DTWD2: variants seen among roughly 807,000 people sequenced by gnomAD.
The protein encoded by DTWD2 is DTW motif tRNA-uridine aminocarboxypropyltransferase 2.
Under a neutral mutation model 31.8 loss-of-function variants are expected in DTWD2, and 39 were observed. The ratio of observed to expected loss-of-function variants is 1.22; its 90% CI spans 0.95 to 1.60. DTWD2 has a LOEUF of 1.60. DTWD2 is among the 40% of genes most tolerant of loss of function. The pLI, the probability that DTWD2 is intolerant of heterozygous loss-of-function variation, is 0.00. For missense variants in DTWD2, 515 were observed against 381.5 expected (o/e 1.35, Z -2.92); for synonymous variants, 180 against 142.8 (o/e 1.26, Z -1.86).
intron 1 of DTWD2, among the ~76,000 whole-genome samples, chr5:118,974,316 G>A (rs1373371472): frequency 6.6e-6 from 1 of 151,752 alleles, no homozygotes; most frequent in Non-Finnish European, 1.5e-5. Flanking sequence ...TTGCAACAGG[G>A]GAGGAAAAAA....
intron 4 of DTWD2, among the ~76,000 whole-genome samples, chr5:118,867,796 C>T (rs550497582): frequency 7.2e-5 from 11 of 152,218 alleles, no homozygotes; most frequent in Admixed American, 2.6e-4. Flanking sequence ...GAAAAATACC[C>T]CATGTTCATG....
At chr5:118,883,929 T>C (rs907930873) in intron 4 of DTWD2, among the ~76,000 whole-genome samples, 3 of 152,164 alleles carry the variant, frequency 2.0e-5, no homozygotes, top group Admixed American at 1.3e-4. Context: ...ACTTCACAAA[T>C]ATTTATAGTT....
At chr5:118,918,536 A>T (rs1173979403) in intron 4 of DTWD2, among the ~76,000 whole-genome samples, 1 of 152,132 alleles carries the variant, frequency 6.6e-6, no homozygotes, top group Admixed American at 6.6e-5. Flanking sequence ...GAATTATAGA[A>T]ACAGAATCAA....
At chr5:118,974,199 A>C in intron 1 of DTWD2, 2 of 1,359,676 alleles carry the variant, frequency 1.5e-6, no homozygotes, top group Non-Finnish European at 2.0e-6. Flanking sequence ...CCCGTCTCAG[A>C]ATCTAAACGT....
chr5:118,900,723 G>A (rs779704166), intron 4 of DTWD2, among the ~76,000 whole-genome samples: 1 of 151,858 alleles, frequency 6.6e-6, no homozygotes, highest in Admixed American at 6.6e-5. Context: ...TCAGGAGATC[G>A]AGACCATCCT....
intron 4 of DTWD2, among the ~76,000 whole-genome samples, chr5:118,900,126 C>A (rs914806469): frequency 6.6e-6 from 1 of 151,978 alleles, no homozygotes; most frequent in Admixed American, 6.6e-5. Flanking sequence ...TTCTTTATGT[C>A]TGGCTTCTTT....
At position 118,839,931 on chromosome 5, in the gene DTWD2, A is replaced by C. The variant is rs1429164047; in HGVS notation, c.*986T>G. Reference sequence around the variant, plus strand: ...TTCCTTACAACTTAACACTAGATACAGGAAACTCTAGAACTCATAAACAAA... The same window carrying C: ...TTCCTTACAACTTAACACTAGATACCGGAAACTCTAGAACTCATAAACAAA... On this transcript the variant is annotated 3_prime_UTR_variant, in exon 6 of 6. Transcript: ENST00000510708. 6.6e-6 allele frequency: 1 copy of C among 152,210 alleles called. No homozygotes were observed. Among genetic ancestry groups the C allele is most frequent in the East Asian group, 1.9e-4 (1 of 5,196 alleles). 9.4% of individuals were successfully genotyped at this position (152,210 alleles called of 1,614,324 possible). A position where few individuals can be genotyped will look rare whatever the true frequency, so the allele number is the denominator to read the frequency against.
At chr5:118,881,964 G>C (rs184236836) in intron 4 of DTWD2, among the ~76,000 whole-genome samples, 4 of 152,176 alleles carry the variant, frequency 2.6e-5, no homozygotes, top group African/African-American at 9.6e-5. Flanking sequence ...AGCCAATCTC[G>C]CCTTCATAAC....
intron 2 of DTWD2, among the ~76,000 whole-genome samples, chr5:118,939,840 C>T (rs1754141569): frequency 6.6e-6 from 1 of 152,080 alleles, no homozygotes; most frequent in African/African-American, 2.4e-5. Flanking sequence ...TAAAATTGAA[C>T]AATCTGAGCA....
At chr5:118,926,839 G>A (rs558331111) in intron 4 of DTWD2, among the ~76,000 whole-genome samples, 2 of 152,238 alleles carry the variant, frequency 1.3e-5, no homozygotes, top group South Asian at 2.1e-4. Flanking sequence ...CAAGTAGCTG[G>A]AGTTATAGGT....
chr5:118,974,090 G>T, intron 1 of DTWD2: 2 of 1,599,674 alleles, frequency 1.3e-6, no homozygotes, highest in Non-Finnish European at 1.7e-6. Context: ...TGACGATGTC[G>T]ATACCAAGAA....
rs1174554134 is a variant in DTWD2, at chr5:118,840,763, A to G, written c.*154T>C. 1.4e-6 allele frequency: 1 copy of G among 713,442 alleles called. No individual in the cohort carries two copies. The highest frequency in any genetic ancestry group is 3.4e-5 in the East Asian group (1 of 29,478). 44.2% of individuals were successfully genotyped at this position (713,442 alleles called of 1,614,324 possible). ...AGTGAATTTCTGTTTATTTGTATTT[A>G]TGAATATTTGGTTTACTTCCTTCTT... On this transcript the variant is annotated 3_prime_UTR_variant, in exon 6 of 6. Transcript: ENST00000510708.
intron 4 of DTWD2, among the ~76,000 whole-genome samples, chr5:118,870,014 T>G (rs1385979220): frequency 2.0e-5 from 3 of 152,178 alleles, no homozygotes; most frequent in Non-Finnish European, 4.4e-5. Flanking sequence ...CTCTCCCTCT[T>G]GCTCCCTCTC....
intron 3 of DTWD2, among the ~76,000 whole-genome samples, chr5:118,932,347 G>A (rs1039978570): frequency 6.0e-5 from 9 of 149,336 alleles, no homozygotes; most frequent in Non-Finnish European, 1.3e-4. Context: ...AAAAGCTAGA[G>A]AAAGACGAGC....
chr5:118,843,421 G>A (rs1359617430), intron 5 of DTWD2, among the ~76,000 whole-genome samples: 3 of 142,584 alleles, frequency 2.1e-5, no homozygotes, highest in Non-Finnish European at 3.0e-5. Flanking sequence ...TCTTGGAAAG[G>A]CTCTGCACAA....
At chr5:118,934,784 T>C (rs73239073) in intron 3 of DTWD2, among the ~76,000 whole-genome samples, 6,107 of 152,240 alleles carry the variant, frequency 0.04, 410 homozygotes, top group African/African-American at 0.14. Context: ...CAACAGAGAT[T>C]GTTAGATTAA....
chr5:118,911,367 G>T (rs944297479), intron 4 of DTWD2, among the ~76,000 whole-genome samples: 1 of 152,228 alleles, frequency 6.6e-6, no homozygotes, highest in Non-Finnish European at 1.5e-5. Flanking sequence ...CAAGTGTTGG[G>T]AAGGATGTGG....
At chr5:118,870,630 G>T (rs139512068) in intron 4 of DTWD2, among the ~76,000 whole-genome samples, 1 of 152,176 alleles carries the variant, frequency 6.6e-6, no homozygotes, top group Non-Finnish European at 1.5e-5. Flanking sequence ...AGCCTTCAGT[G>T]AGTCATCCTC....
At chr5:118,921,338 C>A (rs1283945871) in intron 4 of DTWD2, among the ~76,000 whole-genome samples, 10 of 151,612 alleles carry the variant, frequency 6.6e-5, no homozygotes, top group Non-Finnish European at 1.5e-5. Flanking sequence ...ATGGCGAGAC[C>A]CCTTCTCTTA....
Sources: gnomAD v4.1 joint callset for allele counts (sites outside exome capture counted in the v4.1 genomes callset) on GRCh38, gnomAD v4.1.1 for gene constraint, MANE v1.5 for transcripts, NCBI Gene and HGNC (gene_info 2026-07-23, HGNC 2026-07-21) for gene names.